CCSER1: variants seen among roughly 807,000 people sequenced by gnomAD.
The protein encoded by CCSER1 is coiled-coil serine rich protein 1.
CCSER1 carries 41 observed loss-of-function variants against 82.0 expected under a neutral mutation model. That is an observed-to-expected ratio of 0.50 (90% CI 0.39 to 0.65). The LOEUF (loss-of-function observed/expected upper bound fraction) is 0.65, where lower values mean the gene tolerates loss of function less well. Among genes scored for constraint, CCSER1 ranks in the 30% least tolerant of loss-of-function variants. The pLI, the probability that CCSER1 is intolerant of heterozygous loss-of-function variation, is 0.00. For missense variants in CCSER1, 1,119 were observed against 1,064.2 expected, an observed-to-expected ratio of 1.05 and a Z score of -0.72; for synonymous variants, 414 against 383.9, an observed-to-expected ratio of 1.08 and a Z score of -0.92.
chr4:90,663,862 G>T (rs1418055645), intron 6 of CCSER1: 2 of 366,590 alleles, frequency 5.5e-6, no homozygotes, highest in Admixed American at 2.7e-5. Context: ...TGTCAAGGAT[G>T]AGTGTTTCCA....
At chr4:91,233,739 G>A (rs1722269915) in intron 10 of CCSER1, among the ~76,000 whole-genome samples, 1 of 151,688 alleles carries the variant, frequency 6.6e-6, no homozygotes. Context: ...CACAACAGAT[G>A]GTCTATTTAG....
At chr4:90,849,000 T>C (rs1728718593) in intron 8 of CCSER1, among the ~76,000 whole-genome samples, 1 of 152,210 alleles carries the variant, frequency 6.6e-6, no homozygotes, top group South Asian at 2.1e-4. Context: ...CCTCATTTCT[T>C]TATAAATTAC....
intron 7 of CCSER1, among the ~76,000 whole-genome samples, chr4:90,799,052 C>T (rs529689599): frequency 5.3e-5 from 8 of 152,282 alleles, no homozygotes. Flanking sequence ...TGCCTCCCTT[C>T]AGGCATTCAC....
At chr4:91,400,094 T>G (rs973728986) in intron 10 of CCSER1, among the ~76,000 whole-genome samples, 1 of 151,994 alleles carries the variant, frequency 6.6e-6, no homozygotes, top group African/African-American at 2.4e-5. Context: ...GGGCTAAAAT[T>G]TCTGTTTCAC....
chr4:90,308,567 C>T lies in CCSER1; in HGVS notation c.283C>T (p.Pro95Ser). Residue 95 changes from proline to serine, a missense_variant, in exon 2 of 11, where the codon CCT becomes TCT. By Grantham distance (74) the Pro-to-Ser change is moderately conservative. Coordinates refer to ENST00000509176, the MANE Select transcript of CCSER1 (RefSeq NM_001145065.2). ...CCTTAGTATTTCAAATGGTGCTCAA[C>T]CTGGTCACAGCAATATGCAGAAACT... ...QNLSISNGAQPGHSNMQKLSL... is the reference protein window; with the variant it reads ...QNLSISNGAQSGHSNMQKLSL... 1 of 1,613,888 alleles carries T rather than the reference C, an allele frequency of 6.2e-7. No individual in the cohort carries two copies. Among genetic ancestry groups the T allele is most frequent in the Non-Finnish European group, 8.5e-7 (1 of 1,179,848 alleles).
intron 6 of CCSER1, among the ~76,000 whole-genome samples, chr4:90,721,347 C>G (rs1742641275): frequency 6.6e-6 from 1 of 150,556 alleles, no homozygotes; most frequent in African/African-American, 2.4e-5. Flanking sequence ...ACAGGAATGT[C>G]TATTGTGTCT....
intron 10 of CCSER1, among the ~76,000 whole-genome samples, chr4:91,389,802 T>G (rs1430370592): frequency 6.6e-6 from 1 of 152,052 alleles, no homozygotes; most frequent in African/African-American, 2.4e-5. Flanking sequence ...ACATATTGTA[T>G]TAGATTTTTA....
chr4:91,417,494 T>C (rs1244480956), intron 10 of CCSER1, among the ~76,000 whole-genome samples: 2 of 152,116 alleles, frequency 1.3e-5, no homozygotes, highest in African/African-American at 2.4e-5. Context: ...ATATATACCA[T>C]GGAATACTAT....
chr4:90,241,336 G>A lies in CCSER1; in HGVS notation c.-41-66908G>A, dbSNP rs780832103. Among the ~76,000 whole-genome samples the A allele has an allele frequency of 2.6e-5, 4 of 152,094 alleles. No homozygotes were observed. In the East Asian group the frequency reaches 5.8e-4, roughly 22 times the overall value. On this transcript the variant is annotated intron_variant, in intron 1 of 10. Transcript: ENST00000509176. ...GCCAACTATTATATATTATGTATAC[G>A]TAAGAGACAGGTAAAGAGGTGCATG...
At chr4:91,548,920 T>C (rs952880339) in intron 10 of CCSER1, among the ~76,000 whole-genome samples, 2 of 152,174 alleles carry the variant, frequency 1.3e-5, no homozygotes, top group African/African-American at 4.8e-5. Flanking sequence ...GGGAAAATTC[T>C]TCATCATTAT....
At chr4:91,518,130 G>T (rs540416861) in intron 10 of CCSER1, among the ~76,000 whole-genome samples, 2 of 152,298 alleles carry the variant, frequency 1.3e-5, no homozygotes, top group South Asian at 4.1e-4. Context: ...GCTGCATGCA[G>T]CAGCTCTGGG....
chr4:91,275,925 C>T (rs1331826716), intron 10 of CCSER1, among the ~76,000 whole-genome samples: 1 of 152,064 alleles, frequency 6.6e-6, no homozygotes, highest in Non-Finnish European at 1.5e-5. Flanking sequence ...CTCCTTTACT[C>T]CAATTTATTT....
intron 4 of CCSER1, among the ~76,000 whole-genome samples, chr4:90,433,299 A>G (rs895043560): frequency 1.3e-5 from 2 of 151,950 alleles, no homozygotes; most frequent in African/African-American, 4.8e-5. Flanking sequence ...CCTCCTTTTT[A>G]AGTTTTACAT....
chr4:90,623,968 T>C (rs1014272275), intron 5 of CCSER1, among the ~76,000 whole-genome samples: 1 of 152,170 alleles, frequency 6.6e-6, no homozygotes, highest in Non-Finnish European at 1.5e-5. Context: ...TGAACCTTTT[T>C]AAAATGAAGT....
chr4:90,412,821 A>G (rs1443547496), intron 4 of CCSER1, among the ~76,000 whole-genome samples: 1 of 152,204 alleles, frequency 6.6e-6, no homozygotes, highest in Non-Finnish European at 1.5e-5. Flanking sequence ...GGAAAAGTTG[A>G]AAGCATTCTC....
chr4:90,641,471 T>C (rs1346741314), intron 6 of CCSER1, among the ~76,000 whole-genome samples: 1 of 152,160 alleles, frequency 6.6e-6, no homozygotes, highest in Non-Finnish European at 1.5e-5. Context: ...TTCAAAATAA[T>C]TATGTATACA....
At chr4:90,527,676 T>C (rs867333168) in intron 5 of CCSER1, among the ~76,000 whole-genome samples, 29 of 152,268 alleles carry the variant, frequency 1.9e-4, no homozygotes, top group African/African-American at 5.8e-4. Flanking sequence ...CTGGTGAATA[T>C]AGTTTCCAGA....
intron 6 of CCSER1, among the ~76,000 whole-genome samples, chr4:90,708,888 A>G (rs1210747417): frequency 6.6e-6 from 1 of 152,260 alleles, no homozygotes; most frequent in Non-Finnish European, 1.5e-5. Flanking sequence ...AGAACCCTCA[A>G]ACTCCTCAAG....
At chr4:91,290,973 A>G (rs1224473778) in intron 10 of CCSER1, among the ~76,000 whole-genome samples, 1 of 151,796 alleles carries the variant, frequency 6.6e-6, no homozygotes, top group Non-Finnish European at 1.5e-5. Flanking sequence ...TTAAGTTACC[A>G]TTTTTAATAA....
Sources: allele counts gnomAD v4.1 joint callset (sites outside exome capture counted in the v4.1 genomes callset), GRCh38; gene constraint gnomAD v4.1.1; transcripts MANE v1.5; gene names NCBI Gene and HGNC (gene_info 2026-07-23, HGNC 2026-07-21).